Variants in TRERF1 observed in about 807,000 individuals in gnomAD.
TRERF1 encodes transcriptional regulating factor 1.
TRERF1 carries 27 observed loss-of-function variants against 122.9 expected under a neutral mutation model. The observed-to-expected ratio is 0.22, with a 90% CI of 0.16 to 0.30. The LOEUF is 0.30. TRERF1 is among the 10% of genes least tolerant of loss of function. The probability of loss-of-function intolerance (pLI) is 1.00; values close to 1 mark genes in which losing one functional copy is unlikely to be tolerated. For synonymous variants in TRERF1, 636 were observed against 641.7 expected (o/e 0.99, Z 0.13); for missense variants, 1,248 against 1,560.3 (o/e 0.80, Z 3.37).
At chr6:42,303,784 T>TTTGTG (rs1397604897) in intron 3 of TRERF1, among the ~76,000 whole-genome samples, 1 of 150,468 alleles carries the variant, frequency 6.6e-6, no homozygotes, top group Non-Finnish European at 1.5e-5. Flanking sequence ...GGTGTGGTGG[T>TTTGTG]TTGTGTTTGT....
chr6:42,253,782 G>A (rs1313956267), intron 13 of TRERF1, among the ~76,000 whole-genome samples: 1 of 152,204 alleles, frequency 6.6e-6, no homozygotes, highest in Non-Finnish European at 1.5e-5. Flanking sequence ...TGTTGGTGGA[G>A]AAAGCAAGCC....
chr6:42,303,190 A>G (rs890398607), intron 3 of TRERF1, among the ~76,000 whole-genome samples: 4 of 152,232 alleles, frequency 2.6e-5, no homozygotes, highest in African/African-American at 9.6e-5. Context: ...GGCACTTGGC[A>G]TACAACAGCT....
chr6:42,436,862 T>C (rs190492109), intron 2 of TRERF1, among the ~76,000 whole-genome samples: 170 of 135,676 alleles, frequency 1.3e-3, no homozygotes, highest in Middle Eastern at 8.0e-3. Flanking sequence ...CTACTTTCAC[T>C]TACCATTTAT....
chr6:42,255,032 G>A, intron 12 of TRERF1, 106 bp from the exon 13 acceptor site: 1 of 1,130,266 alleles, frequency 8.8e-7, no homozygotes. Flanking sequence ...TGGAGGTCAG[G>A]GGCGGGGGCA....
chr6:42,391,039 G>A (rs1777650044), intron 2 of TRERF1, among the ~76,000 whole-genome samples: 1 of 152,164 alleles, frequency 6.6e-6, no homozygotes, highest in Admixed American at 6.5e-5. Flanking sequence ...AACAAAAGGG[G>A]GACATGGACA....
At chr6:42,260,253 G>C (rs78029099) in intron 8 of TRERF1, among the ~76,000 whole-genome samples, 7 of 151,972 alleles carry the variant, frequency 4.6e-5, no homozygotes, top group South Asian at 2.1e-4. Flanking sequence ...CTTTCAGCAG[G>C]GGGGGAGAGC....
At chr6:42,352,275 G>A (rs1288575224) in intron 3 of TRERF1, among the ~76,000 whole-genome samples, 1 of 152,210 alleles carries the variant, frequency 6.6e-6, no homozygotes, top group African/African-American at 2.4e-5. Flanking sequence ...GATTACAGGC[G>A]TGAGCCACTG....
At chr6:42,413,352 C>T (rs1208403364) in intron 2 of TRERF1, among the ~76,000 whole-genome samples, 1 of 152,084 alleles carries the variant, frequency 6.6e-6, no homozygotes, top group African/African-American at 2.4e-5. Context: ...TTCTCACTCC[C>T]CAAAGGTAGA....
chr6:42,281,799 AAC>A (rs551480676), intron 4 of TRERF1, among the ~76,000 whole-genome samples: 27 of 152,222 alleles, frequency 1.8e-4, no homozygotes, highest in Non-Finnish European at 3.2e-4. Flanking sequence ...GAAGAACAGC[AAC>A]GATGGCTAAC....
chr6:42,229,969 C>T (rs61612642), intron 17 of TRERF1, among the ~76,000 whole-genome samples: 30,511 of 152,048 alleles, frequency 0.2, 3,579 homozygotes, highest in African/African-American at 0.32. Flanking sequence ...AGACAGTAAA[C>T]GGCCCACAAA....
intron 15 of TRERF1, among the ~76,000 whole-genome samples, chr6:42,238,237 T>C (rs1202845413): frequency 1.3e-5 from 2 of 152,192 alleles, no homozygotes; most frequent in Non-Finnish European, 2.9e-5. Flanking sequence ...CAGATGACAA[T>C]GCCATTTGTT....
intron 2 of TRERF1, among the ~76,000 whole-genome samples, chr6:42,405,219 CAG>C (rs1190096976): frequency 6.6e-6 from 1 of 152,136 alleles, no homozygotes; most frequent in African/African-American, 2.4e-5. Flanking sequence ...AGGACCATCC[CAG>C]CTGTGTTCCA....
chr6:42,291,781 A>G (rs1196523974), intron 4 of TRERF1, among the ~76,000 whole-genome samples: 1 of 151,520 alleles, frequency 6.6e-6, no homozygotes, highest in Non-Finnish European at 1.5e-5. Flanking sequence ...TCCTGACCTC[A>G]TGATCCACCC....
chr6:42,394,180 G>A (rs887509432), intron 2 of TRERF1, among the ~76,000 whole-genome samples: 3 of 152,072 alleles, frequency 2.0e-5, no homozygotes, highest in African/African-American at 7.2e-5. Context: ...AGGTGCTCAG[G>A]CCTCTGATAC....
chr6:42,280,181 G>T (rs1046419373), intron 4 of TRERF1, among the ~76,000 whole-genome samples: 1 of 152,094 alleles, frequency 6.6e-6, no homozygotes, highest in Non-Finnish European at 1.5e-5. Flanking sequence ...AGATAAGGGG[G>T]CTCGGACAAG....
In TRERF1 at chr6:42,263,940, A is replaced by G. The variant is rs1264546513; in HGVS notation, c.1636-372T>C. On this transcript the variant is annotated intron_variant, in intron 7 of 17. Coordinates refer to ENST00000372922, the Ensembl canonical transcript of TRERF1. This position sits in a 1 kb window ranked among gnomAD's most constrained non-coding sequence, Gnocchi z 5.6. The stretch of plus-strand genomic sequence containing the variant: ...TGGGCCTTAGTTCACTCATTTGTCA[A>G]ATGGAAATAGGCATTCCATCCTAAA... Among the ~76,000 whole-genome samples the G allele has an allele frequency of 6.6e-6, 1 of 152,224 alleles. No individual in the cohort carries two copies. The highest frequency in any genetic ancestry group is 1.9e-4 in the East Asian group (1 of 5,208).
chr6:42,436,810 A>ATATATATATAT (rs1235613225), intron 2 of TRERF1, among the ~76,000 whole-genome samples: 3 of 102,260 alleles, frequency 2.9e-5, no homozygotes, highest in Admixed American at 1.1e-4. Context: ...CAAAAAAAAA[A>ATATATATATAT]AAAAATATAT....
At chr6:42,227,846 C>G (rs1490149637) in exon 18 of TRERF1, 2 of 152,326 alleles carry the variant, frequency 1.3e-5, no homozygotes, top group Non-Finnish European at 2.9e-5. Context: ...GAAAGCTGCC[C>G]CTAGCATAGT....
At chr6:42,440,356 C>A (rs1362186656) in intron 2 of TRERF1, among the ~76,000 whole-genome samples, 1 of 152,144 alleles carries the variant, frequency 6.6e-6, no homozygotes, top group African/African-American at 2.4e-5. Flanking sequence ...AGTTTGGATA[C>A]CAGCTCCGCC....
Sources: allele counts gnomAD v4.1 joint callset (sites outside exome capture counted in the v4.1 genomes callset), GRCh38; gene constraint gnomAD v4.1.1; non-coding constraint Gnocchi (gnomAD v3.1); transcripts MANE v1.5; gene names NCBI Gene and HGNC (gene_info 2026-07-23, HGNC 2026-07-21).